Variants in WAC observed in about 807,000 individuals in gnomAD.
The protein encoded by WAC is WW domain-containing adapter protein with coiled-coil.
Under a neutral mutation model 79.6 loss-of-function variants are expected in WAC, and 11 were observed. That is an observed-to-expected ratio of 0.14 (90% CI 0.09 to 0.23). WAC has a LOEUF of 0.23. WAC is among the 10% of genes least tolerant of loss of function. WAC has a pLI of 1.00. For synonymous variants in WAC, 304 were observed against 276.9 expected (o/e 1.10, Z -0.97); for missense variants, 728 against 773.5 (o/e 0.94, Z 0.70).
rs1839655449 is a variant in WAC, at chr10:28,583,624, A to C, written c.381+119A>C. On this transcript the variant is annotated intron_variant, in intron 4 of 13. Coordinates refer to ENST00000354911, the MANE Select transcript of WAC (RefSeq NM_016628.5). ...ATGTCTTTTTTTTTAAAAATGTTTC[A>C]ATCACAGTCTTAATGTGTTTATTTG... is the stretch of plus-strand genomic sequence containing the variant. The C allele has an allele frequency of 4.3e-6, 3 of 694,134 alleles. No homozygotes were observed. The East Asian group carries it at 8.5e-5, about 20-fold the overall frequency. 43.0% of individuals were successfully genotyped at this position (694,134 alleles called of 1,614,324 possible).
intron 7 of WAC, among the ~76,000 whole-genome samples, chr10:28,596,747 A>G (rs1840390465): frequency 6.6e-6 from 1 of 152,154 alleles, no homozygotes; most frequent in African/African-American, 2.4e-5. Flanking sequence ...ATTAAAATGT[A>G]GTAAATAAAT....
intron 3 of WAC, among the ~76,000 whole-genome samples, chr10:28,562,229 A>G (rs1260428992): frequency 1.3e-5 from 2 of 151,838 alleles, no homozygotes; most frequent in South Asian, 2.1e-4. Context: ...GCTAATTTTT[A>G]TATTTTTAGT....
In WAC at chr10:28,590,824, C is replaced by G. The variant is rs769712274; in HGVS notation, c.602C>G (p.Ala201Gly). Residue 201 changes from alanine (A) to glycine (G), a missense_variant, in exon 6 of 14, where the codon GCC becomes GGC. This residue lies in a region of WAC where 648 missense variants were observed against 661.5 expected (regional missense o/e 0.98). Coordinates refer to ENST00000354911, the MANE Select transcript of WAC (RefSeq NM_016628.5). ...VMQATATSGF[A>G]SGMEDKHSSD... ...CAAGCAACAGCCACTAGTGGGTTTG[C>G]CAGTGGAAGTAAGTATTAATTTTTT... is the stretch of plus-strand genomic sequence containing the variant. 14 of 1,605,894 alleles carry G rather than the reference C, an allele frequency of 8.7e-6. 1 individual carries two copies. In the South Asian group the frequency reaches 1.6e-4, roughly 18 times the overall value.
At chr10:28,611,672 T>G (rs1841244942) in intron 9 of WAC, 102 bp from the exon 10 acceptor site, 9 of 1,429,132 alleles carry the variant, frequency 6.3e-6, no homozygotes, top group Admixed American at 6.3e-5. Context: ...GGTGGGGGGG[T>G]TTAGAGTAAT....
chr10:28,541,411 G>T (rs1247285014), intron 3 of WAC, among the ~76,000 whole-genome samples: 6 of 71,714 alleles, frequency 8.4e-5, no homozygotes, highest in African/African-American at 2.2e-4. Context: ...TTGTGTGTGT[G>T]TGTGTTTTGT....
At chr10:28,555,403 T>C (rs1837926653) in intron 3 of WAC, among the ~76,000 whole-genome samples, 1 of 150,858 alleles carries the variant, frequency 6.6e-6, no homozygotes, top group Non-Finnish European at 1.5e-5. Context: ...GAAAATGTTA[T>C]TCAGTGATAC....
chr10:28,538,013 C>CT (rs1385726523), intron 3 of WAC, among the ~76,000 whole-genome samples: 2 of 152,106 alleles, frequency 1.3e-5, no homozygotes, highest in Non-Finnish European at 2.9e-5. Context: ...TCTACCATCT[C>CT]TAACATACCT....
At chr10:28,532,917 A>C (rs932063308), upstream of WAC, 6 of 152,892 alleles carry the variant, frequency 3.9e-5, no homozygotes, top group Non-Finnish European at 7.3e-5. Context: ...GCGGTGGCCG[A>C]CTCGCGAGTG....
chr10:28,616,753 C>T (rs1841486297), intron 12 of WAC, among the ~76,000 whole-genome samples: 1 of 152,220 alleles, frequency 6.6e-6, no homozygotes, highest in South Asian at 2.1e-4. Context: ...TTCCACTCAG[C>T]TTCTCTGATA....
intron 3 of WAC, among the ~76,000 whole-genome samples, chr10:28,550,605 G>T (rs2132418587): frequency 6.6e-6 from 1 of 152,244 alleles, no homozygotes; most frequent in African/African-American, 2.4e-5. Flanking sequence ...TATGTCATTT[G>T]ACATATTCAG....
At chr10:28,538,882 AAAG>A (rs1385707482) in intron 3 of WAC, among the ~76,000 whole-genome samples, 38 of 151,354 alleles carry the variant, frequency 2.5e-4, no homozygotes, top group African/African-American at 7.3e-5. Context: ...AAAAAAAAAA[AAAG>A]AAAAAAATTA....
chr10:28,544,909 C>T (rs929387402), intron 3 of WAC, among the ~76,000 whole-genome samples: 22 of 151,814 alleles, frequency 1.4e-4, no homozygotes, highest in African/African-American at 5.3e-4. Context: ...ACTAAAAATA[C>T]AAAAATTAGC....
chr10:28,618,564 C>T lies in WAC; in HGVS notation c.1874+780C>T, dbSNP rs1222406351. ...CTTCATTTTGGCTTGTTACATCATTCGACTTTTGGGAAATTATTCATTATT... is the reference window on the plus strand; with the variant it reads ...CTTCATTTTGGCTTGTTACATCATTTGACTTTTGGGAAATTATTCATTATT... On this transcript the variant is annotated intron_variant, in intron 13 of 13. Transcript: ENST00000354911. 2.6e-5 allele frequency among the ~76,000 whole-genome samples: 4 copies of T among 152,156 alleles called. No individual in the cohort carries two copies. In the East Asian group the frequency reaches 5.8e-4, roughly 22 times the overall value.
chr10:28,587,320 C>T (rs1268349221), intron 4 of WAC, among the ~76,000 whole-genome samples: 5 of 152,160 alleles, frequency 3.3e-5, no homozygotes, highest in East Asian at 1.9e-4. Context: ...TTCATAATTT[C>T]GTATCTGCTT....
chr10:28,575,209 G>A (rs1178790028), intron 3 of WAC, among the ~76,000 whole-genome samples: 1 of 152,124 alleles, frequency 6.6e-6, no homozygotes, highest in African/African-American at 2.4e-5. Flanking sequence ...CATCACCCAG[G>A]TACTGAGCAT....
intron 9 of WAC, chr10:28,611,046 C>T (rs1589241325): frequency 1.7e-6 from 1 of 585,534 alleles, no homozygotes; most frequent in Non-Finnish European, 2.8e-6. Flanking sequence ...AAGGTATTGC[C>T]ATCAAATCTG....
At chr10:28,562,229 A>T (rs1260428992) in intron 3 of WAC, among the ~76,000 whole-genome samples, 1 of 151,838 alleles carries the variant, frequency 6.6e-6, no homozygotes. Context: ...GCTAATTTTT[A>T]TATTTTTAGT....
chr10:28,535,451 AT>A (rs1836591760), intron 2 of WAC, 110 bp from the exon 3 acceptor site: 2 of 1,332,922 alleles, frequency 1.5e-6, no homozygotes, highest in Non-Finnish European at 2.0e-6. Context: ...GGAAATTTTA[AT>A]TTTGTAAGTT....
At position 28,621,772 on chromosome 10, in the gene WAC, A is replaced by G. The variant is rs1050101095; in HGVS notation, c.*2166A>G. 1 of 152,226 alleles carries G rather than the reference A, an allele frequency of 6.6e-6. No individual in the cohort carries two copies. Among genetic ancestry groups the G allele is most frequent in the Non-Finnish European group, 1.5e-5 (1 of 68,040 alleles). The allele number at this position is 152,226 out of a possible 1,614,324, so 9.4% of individuals were successfully genotyped here. The stretch of plus-strand genomic sequence containing the variant: ...TTTGAATTTGATTTGCTTATAGTCT[A>G]CTGGTCTGTGTACCTATGTTTTGTT... On this transcript the variant is annotated 3_prime_UTR_variant, in exon 14 of 14. Coordinates refer to ENST00000354911, the MANE Select transcript of WAC (RefSeq NM_016628.5).
Sources: gnomAD v4.1 joint callset for allele counts (sites outside exome capture counted in the v4.1 genomes callset) on GRCh38, gnomAD v4.1.1 for gene constraint, gnomAD v4.1.1 regional missense constraint, MANE v1.5 for transcripts, NCBI Gene and HGNC (gene_info 2026-07-23, HGNC 2026-07-21) for gene names.